VAV3: variants seen among roughly 807,000 people sequenced by gnomAD.
VAV3 encodes the protein vav guanine nucleotide exchange factor 3.
In VAV3, 94 loss-of-function variants were observed where a neutral mutation model predicts 131.2. That is an observed-to-expected ratio of 0.72 (90% CI 0.61 to 0.85). VAV3 has a LOEUF of 0.85. Among genes scored for constraint, VAV3 ranks in the 40% least tolerant of loss-of-function variants. VAV3 has a pLI of 0.00. For missense variants in VAV3, 939 were observed against 1,002.7 expected (o/e 0.94, Z 0.86); for synonymous variants, 349 against 342.0 (o/e 1.02, Z -0.22).
chr1:107,716,674 G>C (rs952559091), intron 15 of VAV3, among the ~76,000 whole-genome samples: 1 of 152,208 alleles, frequency 6.6e-6, no homozygotes, highest in Non-Finnish European at 1.5e-5. Context: ...ATGTTCATCA[G>C]GGATATTGGT....
intron 2 of VAV3, among the ~76,000 whole-genome samples, chr1:107,855,883 G>T (rs549568338): frequency 6.6e-6 from 1 of 152,328 alleles, no homozygotes; most frequent in African/African-American, 2.4e-5. Context: ...AAAGGAAAAT[G>T]TGTGGAGAAA....
intron 2 of VAV3, among the ~76,000 whole-genome samples, chr1:107,844,468 G>A (rs565250821): frequency 2.6e-5 from 4 of 152,226 alleles, no homozygotes; most frequent in African/African-American, 9.6e-5. Context: ...CCAGCGAGAC[G>A]GAAACATTCA....
At chr1:107,786,319 T>A (rs1280344195) in intron 2 of VAV3, among the ~76,000 whole-genome samples, 1 of 151,036 alleles carries the variant, frequency 6.6e-6, no homozygotes, top group Admixed American at 6.6e-5. Context: ...GAACTTCCTT[T>A]AAAAAAAAAG....
At chr1:107,590,588 C>T (rs553879082) in intron 25 of VAV3, among the ~76,000 whole-genome samples, 4 of 152,266 alleles carry the variant, frequency 2.6e-5, no homozygotes, top group African/African-American at 9.6e-5. Flanking sequence ...ATTGAATATC[C>T]GCAGGTACCT....
intron 1 of VAV3, among the ~76,000 whole-genome samples, chr1:107,918,307 C>T (rs1672719305): frequency 6.6e-6 from 1 of 152,124 alleles, no homozygotes; most frequent in Admixed American, 6.5e-5. Flanking sequence ...GAACTAAAAA[C>T]CAGAGTGCAG....
At chr1:107,666,632 C>T (rs1016025130) in intron 19 of VAV3, among the ~76,000 whole-genome samples, 5 of 150,748 alleles carry the variant, frequency 3.3e-5, no homozygotes, top group Admixed American at 2.6e-4. Flanking sequence ...TGCAGTGGCA[C>T]GATCTCAGCT....
At chr1:107,956,044 T>C (rs1044592135) in intron 1 of VAV3, among the ~76,000 whole-genome samples, 15 of 152,198 alleles carry the variant, frequency 9.9e-5, no homozygotes, top group Admixed American at 1.3e-4. Context: ...AAGTGAGAAC[T>C]GATGATGCAG....
chr1:107,681,882 C>G (rs894996064), intron 19 of VAV3, among the ~76,000 whole-genome samples: 16 of 152,048 alleles, frequency 1.1e-4, no homozygotes, highest in East Asian at 5.8e-4. Context: ...GGATGGTCTC[C>G]ATCTCCTGAC....
intron 15 of VAV3, among the ~76,000 whole-genome samples, chr1:107,709,910 T>G (rs1660679195): frequency 6.6e-6 from 1 of 152,236 alleles, no homozygotes; most frequent in Admixed American, 6.5e-5. Context: ...TATGTCTTTC[T>G]TAGCAGTGTG....
At chr1:107,649,981 G>T (rs191930429) in intron 19 of VAV3, among the ~76,000 whole-genome samples, 2 of 152,184 alleles carry the variant, frequency 1.3e-5, no homozygotes, top group African/African-American at 4.8e-5. Flanking sequence ...GAGAGTGACA[G>T]GGGTGTGTGT....
intron 1 of VAV3, among the ~76,000 whole-genome samples, chr1:107,883,884 A>AT (rs1670903557): frequency 1.3e-5 from 2 of 152,202 alleles, no homozygotes; most frequent in Non-Finnish European, 2.9e-5. Context: ...CACCTGCATT[A>AT]GTCCCTGGAC....
intron 2 of VAV3, among the ~76,000 whole-genome samples, chr1:107,864,110 A>G (rs946292280): frequency 1.3e-5 from 2 of 152,192 alleles, no homozygotes; most frequent in Admixed American, 1.3e-4. Flanking sequence ...TTCAGAGAGG[A>G]TTACACAACT....
At chr1:107,733,584 C>T (rs975941390) in intron 15 of VAV3, among the ~76,000 whole-genome samples, 4 of 152,126 alleles carry the variant, frequency 2.6e-5, no homozygotes, top group Admixed American at 1.3e-4. Flanking sequence ...ATGAGAACTA[C>T]GTGACTCATA....
At chr1:107,746,669 C>G (rs773028792) in intron 15 of VAV3, among the ~76,000 whole-genome samples, 1 of 152,124 alleles carries the variant, frequency 6.6e-6, no homozygotes, top group South Asian at 2.1e-4. Context: ...CAGCCTCCCT[C>G]GGCAGGTGCG....
chr1:107,756,905 GA>G (rs945768165), intron 11 of VAV3, among the ~76,000 whole-genome samples: 8 of 151,654 alleles, frequency 5.3e-5, no homozygotes, highest in East Asian at 3.9e-4. Flanking sequence ...AAAAGAATGG[GA>G]AAAAAATATG....
chr1:107,755,631 TCAAAG>T, intron 11 of VAV3, 118 bp from the exon 12 acceptor site: 2 of 681,810 alleles, frequency 2.9e-6, no homozygotes, highest in Non-Finnish European at 4.9e-6. Context: ...CTGTAACTTT[TCAAAG>T]ACAGTAAAAT....
At chr1:107,922,662 G>C (rs1192580767) in intron 1 of VAV3, among the ~76,000 whole-genome samples, 1 of 152,064 alleles carries the variant, frequency 6.6e-6, no homozygotes, top group Non-Finnish European at 1.5e-5. Flanking sequence ...ATATTAAAGA[G>C]CACAATTTGG....
chr1:107,840,560 T>C (rs1668656016), intron 2 of VAV3, among the ~76,000 whole-genome samples: 1 of 152,230 alleles, frequency 6.6e-6, no homozygotes, highest in African/African-American at 2.4e-5. Flanking sequence ...TGACATTTCA[T>C]TGTCTATTCA....
chr1:107,886,014 G>A (rs542417062), intron 1 of VAV3, among the ~76,000 whole-genome samples: 1 of 152,286 alleles, frequency 6.6e-6, no homozygotes, highest in South Asian at 2.1e-4. Context: ...AACATCCAAG[G>A]ATGAACAAAA....
Sources: gnomAD v4.1 joint callset for allele counts (sites outside exome capture counted in the v4.1 genomes callset) on GRCh38, gnomAD v4.1.1 for gene constraint, MANE v1.5 for transcripts, NCBI Gene and HGNC (gene_info 2026-07-23, HGNC 2026-07-21) for gene names.